Variants in MAN1C1 observed in about 807,000 individuals in gnomAD.
MAN1C1 encodes mannosyl-oligosaccharide 1,2-alpha-mannosidase IC.
MAN1C1 carries 49 observed loss-of-function variants against 71.5 expected under a neutral mutation model. That is an observed-to-expected ratio of 0.69 (90% CI 0.54 to 0.87). The LOEUF (loss-of-function observed/expected upper bound fraction) is 0.87. Ranked by LOEUF, MAN1C1 falls within the 40% of genes least tolerant of loss-of-function variation. The probability of loss-of-function intolerance (pLI) is 0.00; values close to 1 mark genes in which losing one functional copy is unlikely to be tolerated. For missense variants in MAN1C1, 743 were observed against 835.0 expected, an observed-to-expected ratio of 0.89 and a Z score of 1.36; for synonymous variants, 352 against 343.7, an observed-to-expected ratio of 1.02 and a Z score of -0.27.
At chr1:25,777,206 A>G (rs1483134617) in intron 8 of MAN1C1, among the ~76,000 whole-genome samples, 1 of 152,152 alleles carries the variant, frequency 6.6e-6, no homozygotes, top group African/African-American at 2.4e-5. Context: ...CCTGGAGAGT[A>G]GATTGGAGGG....
chr1:25,664,202 G>A lies in MAN1C1; in HGVS notation c.541-22238G>A, dbSNP rs2124110389. On this transcript the variant is annotated intron_variant, in intron 1 of 11. Coordinates refer to ENST00000374332, the MANE Select transcript of MAN1C1 (RefSeq NM_020379.4). Reference sequence around the variant, plus strand: ...CTGAGCGTTAGTGGCACCCCATGCTGCTCATTACCACCCCAAAAAGTAGTC... The same window carrying A: ...CTGAGCGTTAGTGGCACCCCATGCTACTCATTACCACCCCAAAAAGTAGTC... Among the ~76,000 whole-genome samples the A allele has an allele frequency of 1.3e-5, 2 of 151,170 alleles. 1 individual carries two copies. Among genetic ancestry groups the A allele is most frequent in the South Asian group, 4.2e-4 (2 of 4,794 alleles).
At chr1:25,691,090 G>T (rs2046302844) in intron 2 of MAN1C1, among the ~76,000 whole-genome samples, 1 of 152,204 alleles carries the variant, frequency 6.6e-6, no homozygotes, top group Non-Finnish European at 1.5e-5. Flanking sequence ...GCCGAGGCGG[G>T]TGGATCACTT....
chr1:25,642,144 C>T (rs2045546038), intron 1 of MAN1C1, among the ~76,000 whole-genome samples: 1 of 152,148 alleles, frequency 6.6e-6, no homozygotes, highest in East Asian at 1.9e-4. Context: ...ATTTGCTTGT[C>T]CCGAAGTCGA....
intron 2 of MAN1C1, 102 bp downstream of exon 2, chr1:25,686,638 G>A: frequency 3.2e-6 from 3 of 940,226 alleles, no homozygotes; most frequent in South Asian, 2.8e-5. Context: ...AGCTGTGGGG[G>A]CTCCACAGTT....
At chr1:25,731,712 T>C (rs1337186840) in intron 2 of MAN1C1, among the ~76,000 whole-genome samples, 8 of 152,008 alleles carry the variant, frequency 5.3e-5, no homozygotes. Context: ...AAGGGGCCTG[T>C]GGACCAAAGA....
At chr1:25,712,307 TA>T (rs1182532539) in intron 2 of MAN1C1, among the ~76,000 whole-genome samples, 1 of 152,236 alleles carries the variant, frequency 6.6e-6, no homozygotes. Flanking sequence ...ACGTGCCCGT[TA>T]GGCACCTTGT....
At chr1:25,639,509 G>A (rs1026096006) in intron 1 of MAN1C1, among the ~76,000 whole-genome samples, 1 of 152,136 alleles carries the variant, frequency 6.6e-6, no homozygotes, top group African/African-American at 2.4e-5. Context: ...TGGGCTGTCA[G>A]CTGTTACTTC....
chr1:25,668,225 T>TG (rs1161360556), intron 1 of MAN1C1, among the ~76,000 whole-genome samples: 1 of 152,180 alleles, frequency 6.6e-6, no homozygotes, highest in Admixed American at 6.5e-5. Flanking sequence ...AGCTGTCATC[T>TG]GGGAGGCCTT....
At chr1:25,622,875 C>A (rs2045235688) in intron 1 of MAN1C1, among the ~76,000 whole-genome samples, 1 of 152,128 alleles carries the variant, frequency 6.6e-6, no homozygotes, top group South Asian at 2.1e-4. Context: ...TTTCTGTTTT[C>A]TCTGTATATC....
chr1:25,748,609 G>T (rs1211453764), intron 3 of MAN1C1, among the ~76,000 whole-genome samples: 3 of 152,202 alleles, frequency 2.0e-5, no homozygotes, highest in Admixed American at 2.0e-4. Context: ...GCTCAGGTGG[G>T]GTTTACCCCA....
chr1:25,747,952 A>AT, intron 3 of MAN1C1, among the ~76,000 whole-genome samples: 1 of 152,290 alleles, frequency 6.6e-6, no homozygotes, highest in Middle Eastern at 3.4e-3. Context: ...TGTTAGGATG[A>AT]TTTTGAGGCT....
chr1:25,781,385 G>A, intron 10 of MAN1C1: 1 of 365,686 alleles, frequency 2.7e-6, no homozygotes, highest in Non-Finnish European at 5.0e-6. Flanking sequence ...AGCAAACTTA[G>A]AGGGTCAGAG....
chr1:25,668,182 A>AT (rs1460591889), intron 1 of MAN1C1, among the ~76,000 whole-genome samples: 44 of 152,072 alleles, frequency 2.9e-4, no homozygotes, highest in Admixed American at 2.8e-3. Context: ...AACGAGGTGC[A>AT]TTTTTTTCAG....
In MAN1C1 at chr1:25,690,825, G is replaced by T. The variant is rs139320431; in HGVS notation, c.637+4289G>T. ...CCAGGCACAGAGCAGGCACTTGATCGGGGGGTGCTATTATTGCCATTATGT... is the reference window on the plus strand; with the variant it reads ...CCAGGCACAGAGCAGGCACTTGATCTGGGGGTGCTATTATTGCCATTATGT... On this transcript the variant is annotated intron_variant, in intron 2 of 11. Transcript: ENST00000374332. Among the ~76,000 whole-genome samples the T allele has an allele frequency of 3.2e-3, 490 of 152,298 alleles. 1 individual carries two copies. Among genetic ancestry groups the T allele is most frequent in the African/African-American group, 0.011 (469 of 41,566 alleles).
chr1:25,783,849 G>C lies in MAN1C1; in HGVS notation c.*60G>C, dbSNP rs1179968088. 1.5e-5 allele frequency: 24 copies of C among 1,582,616 alleles called. No homozygotes were observed. The highest frequency in any genetic ancestry group is 2.1e-5 in the Non-Finnish European group (24 of 1,168,450). ...GGGATGCCTTGCCTTTTCAGGATTT[G>C]AGACTGTTCTCAAAGGGATTGGGAA... is the stretch of plus-strand genomic sequence containing the variant. On this transcript the variant is annotated 3_prime_UTR_variant, in exon 12 of 12. Coordinates refer to ENST00000374332, the MANE Select transcript of MAN1C1 (RefSeq NM_020379.4).
chr1:25,640,945 TTCTCTGTGC>T (rs1348607667), intron 1 of MAN1C1, among the ~76,000 whole-genome samples: 1 of 152,144 alleles, frequency 6.6e-6, no homozygotes, highest in Non-Finnish European at 1.5e-5. Context: ...CATGATAAGG[TTCTCTGTGC>T]TCTGAGTGAA....
chr1:25,673,863 A>G (rs2046027277), intron 1 of MAN1C1, among the ~76,000 whole-genome samples: 1 of 152,256 alleles, frequency 6.6e-6, no homozygotes, highest in Non-Finnish European at 1.5e-5. Flanking sequence ...AGGTGACGGT[A>G]AGGCTCAAAT....
At chr1:25,626,508 G>A (rs1030239867) in intron 1 of MAN1C1, among the ~76,000 whole-genome samples, 6 of 151,878 alleles carry the variant, frequency 4.0e-5, no homozygotes, top group African/African-American at 9.7e-5. Flanking sequence ...ACAGGTGTCC[G>A]CCACCACGCC....
intron 6 of MAN1C1, chr1:25,761,595 A>G: frequency 7.4e-6 from 1 of 135,098 alleles, no homozygotes; most frequent in Non-Finnish European, 1.6e-5. Flanking sequence ...CTTGGTAACC[A>G]CCATTCTACT....
Sources: gnomAD v4.1 joint callset for allele counts (sites outside exome capture counted in the v4.1 genomes callset) on GRCh38, gnomAD v4.1.1 for gene constraint, MANE v1.5 for transcripts, NCBI Gene and HGNC (gene_info 2026-07-23, HGNC 2026-07-21) for gene names.